TCHH: variants seen among roughly 807,000 people sequenced by gnomAD.
TCHH encodes the protein trichohyalin.
In TCHH, 6 loss-of-function variants were observed where a neutral mutation model predicts 6.3. The ratio of observed to expected loss-of-function variants is 0.95; its 90% CI spans 0.52 to 1.88. TCHH has a LOEUF of 1.88. TCHH is among the 40% of genes most tolerant of loss of function. The pLI is 0.01. For synonymous variants in TCHH, 1,087 were observed against 963.6 expected, an observed-to-expected ratio of 1.13 and a Z score of -2.37; for missense variants, 2,920 against 2,449.1, an observed-to-expected ratio of 1.19 and a Z score of -4.06.
chr1:152,109,315 C>T lies in TCHH; in HGVS notation c.3902G>A (p.Arg1301Gln), dbSNP rs768418842. 3.7e-6 allele frequency: 6 copies of T among 1,614,196 alleles called. No homozygotes were observed. The highest frequency in any genetic ancestry group is 2.5e-6 in the Non-Finnish European group (3 of 1,180,046). The change falls in exon 3 of 3, where the codon CGA becomes CAA. Residue 1301 changes from arginine to glutamine, a missense_variant. By Grantham distance (43) the Arg-to-Gln change is conservative. Transcript: ENST00000614923. ...CCTTTTGGCTTCCTTTTGCTCTTCTCGCTCCAGCTGTTCTTCCTCTGGGAA... is the reference window on the plus strand; with the variant it reads ...CCTTTTGGCTTCCTTTTGCTCTTCTTGCTCCAGCTGTTCTTCCTCTGGGAA... ...RHFPEEEQLE[R>Q]EEQKEAKRRD...
Position 152,111,087 on chromosome 1 carries a change from G to A in TCHH, c.2130C>T (p.Ser710=). Reference sequence around the variant, plus strand: ...CTTTGCTTTGCCGTGCGTCGGCCTCGCTTTCTAGCTGCCACTGCCACTTCG... The same window carrying A: ...CTTTGCTTTGCCGTGCGTCGGCCTCACTTTCTAGCTGCCACTGCCACTTCG... The part of the protein sequence containing the change: ...RIPKWQWQLE[S]EADARQSKVY... The change falls in exon 3 of 3, where the codon AGC becomes AGT. Residue 710 remains serine (S), a synonymous_variant. Transcript: ENST00000614923. The A allele has an allele frequency of 6.2e-7, 1 of 1,613,498 alleles. No individual in the cohort carries two copies. Among genetic ancestry groups the A allele is most frequent in the Non-Finnish European group, 8.5e-7 (1 of 1,180,014 alleles).
At chr1:152,114,548 G>A (rs974178668) in intron 1 of TCHH, among the ~76,000 whole-genome samples, 1 of 152,170 alleles carries the variant, frequency 6.6e-6, no homozygotes, top group African/African-American at 2.4e-5. Flanking sequence ...AGTGGATAGA[G>A]GCCATGTCAG....
Position 152,110,710 on chromosome 1 carries a change from T to C in TCHH, c.2507A>G (p.Glu836Gly). Residue 836 changes from glutamate to glycine, a missense_variant, in exon 3 of 3, where the codon GAA (glutamate) becomes GGA (glycine). Physicochemically the swap from Glu to Gly is moderately conservative, Grantham distance 98. Transcript: ENST00000614923. ...EREKELQFLEEEEQLQRRERA... is the reference protein window; with the variant it reads ...EREKELQFLEGEEQLQRRERA... ...CTCCCGCCGCTGGAGCTGCTCCTCT[T>C]CCTCCAGGAACTGCAGCTCTTTCTC... 6.2e-7 allele frequency: 1 copy of C among 1,612,052 alleles called. No homozygotes were observed. The highest frequency in any genetic ancestry group is 8.5e-7 in the Non-Finnish European group (1 of 1,179,978).
intron 1 of TCHH, 123 bp from the exon 2 acceptor site, chr1:152,114,234 C>T: frequency 1.5e-6 from 1 of 650,074 alleles, no homozygotes; most frequent in Non-Finnish European, 2.5e-6. Flanking sequence ...TCAACCTGGA[C>T]TTTCAGAGCA....
At position 152,110,142 on chromosome 1, in the gene TCHH, C is replaced by T; in HGVS notation, c.3075G>A (p.Glu1025=). ...GCAGCTGCTCTTCTTCCTGCTGCAG[C>T]TCGTCTTTTTTGCGGTACTGCCTCT... The part of the protein sequence containing the change: ...EWERQYRKKD[E]LQQEEEQLLR... Residue 1025 remains glutamate (E), a synonymous_variant, in exon 3 of 3, where the codon GAG becomes GAA. Coordinates refer to ENST00000614923, the MANE Select transcript of TCHH (RefSeq NM_007113.4). 6.2e-7 allele frequency: 1 copy of T among 1,609,370 alleles called. No homozygotes were observed. Among genetic ancestry groups the T allele is most frequent in the Non-Finnish European group, 8.5e-7 (1 of 1,178,190 alleles).
Position 152,111,065 on chromosome 1 carries a change from T to C in TCHH, c.2152A>G (p.Lys718Glu). The change falls in exon 3 of 3, where the codon AAA becomes GAA. Residue 718 changes from lysine (K) to glutamate (E), a missense_variant. Lys to Glu is a moderately conservative substitution (Grantham distance 56). Coordinates refer to ENST00000614923, the MANE Select transcript of TCHH (RefSeq NM_007113.4). ...TGCTTGCGGGGCCTCGAGTAGACTT[T>C]GCTTTGCCGTGCGTCGGCCTCGCTT... is the stretch of plus-strand genomic sequence containing the variant. ...LESEADARQS[K>E]VYSRPRKQEG... is the part of the protein sequence containing the mutation. The C allele has an allele frequency of 6.2e-7, 1 of 1,613,524 alleles. No homozygotes were observed.
chr1:152,109,114 C>T lies in TCHH; in HGVS notation c.4103G>A (p.Arg1368His), dbSNP rs2496250. The stretch of plus-strand genomic sequence containing the variant: ...GAATTTTCTCCCTTGTTCCTGATGG[C>T]GCAGTTCCTCTTCGCGGAATTTTCT... Reference protein sequence around the residue: ...RDRKFREEELRHQEQGRKFLE... With the variant: ...RDRKFREEELHHQEQGRKFLE... The change falls in exon 3 of 3, where the codon CGC becomes CAC. Residue 1368 changes from arginine (R) to histidine (H), a missense_variant. Transcript: ENST00000614923. The T allele has an allele frequency of 5.0e-6, 8 of 1,610,354 alleles. No homozygotes were observed. Among genetic ancestry groups the T allele is most frequent in the Non-Finnish European group, 6.8e-6 (8 of 1,179,050 alleles).
Position 152,107,195 on chromosome 1 carries a change from G to C in TCHH, c.*190C>G. The C allele has an allele frequency of 1.9e-6, 1 of 535,558 alleles. No homozygotes were observed. Among genetic ancestry groups the C allele is most frequent in the Non-Finnish European group, 3.2e-6 (1 of 316,996 alleles). 33.2% of individuals were successfully genotyped at this position (535,558 alleles called of 1,614,324 possible). ...GACATCTTGCAGTAAAGAACTACTT[G>C]AGGAAGAATAAAAAGCAGAAGTACA... On this transcript the variant is annotated 3_prime_UTR_variant, in exon 3 of 3. Coordinates refer to ENST00000614923, the MANE Select transcript of TCHH (RefSeq NM_007113.4).
rs749468061 is a variant in TCHH, at chr1:152,110,554, G to A, written c.2663C>T (p.Thr888Met). 4.9e-5 allele frequency: 79 copies of A among 1,613,986 alleles called. No homozygotes were observed. The highest frequency in any genetic ancestry group is 1.6e-4 in the Middle Eastern group (1 of 6,084). Residue 888 changes from threonine (T) to methionine (M), a missense_variant, in exon 3 of 3, where the codon ACG becomes ATG. Coordinates refer to ENST00000614923, the MANE Select transcript of TCHH (RefSeq NM_007113.4). ...LEEERKRRRHTLYAKPALQEQ... is the reference protein window; with the variant it reads ...LEEERKRRRHMLYAKPALQEQ... The stretch of plus-strand genomic sequence containing the variant: ...TTGTAGGGCTGGCTTGGCGTACAGC[G>A]TGTGGCGGCGTCTCTTCCTTTCTTC...
chr1:152,107,546 C>A lies in TCHH; in HGVS notation c.5671G>T (p.Glu1891Ter). The A allele has an allele frequency of 6.2e-7, 1 of 1,614,210 alleles. No homozygotes were observed. The highest frequency in any genetic ancestry group is 8.5e-7 in the Non-Finnish European group (1 of 1,180,032). Residue 1891 changes from glutamate to a stop codon, truncating the protein, a stop_gained, in exon 3 of 3, where the codon GAG (glutamate) becomes TAG (stop). Transcript: ENST00000614923. LOFTEE classifies it high-confidence loss of function. ...CCGACTTGGCGGTGCCTCTGTTCCT[C>A]CTTCTGCTGGCGGCGGATGTGTTCT... ...REEHIRRQQK[E>*]EQRHRQVGEI...
intron 2 of TCHH, 113 bp from the exon 3 acceptor site, chr1:152,113,191 A>T: frequency 9.4e-7 from 1 of 1,062,084 alleles, no homozygotes; most frequent in Non-Finnish European, 1.3e-6. Context: ...CATTCAGAGC[A>T]ATTAGAAAAA....
rs1658415739 is a variant in TCHH, at chr1:152,112,575, C to G, written c.642G>C (p.Glu214Asp). 1.9e-6 allele frequency: 3 copies of G among 1,613,642 alleles called. No individual in the cohort carries two copies. Among genetic ancestry groups the G allele is most frequent in the Non-Finnish European group, 1.7e-6 (2 of 1,180,020 alleles). The change falls in exon 3 of 3, where the codon GAG becomes GAC. Residue 214 changes from glutamate (E) to aspartate (D), a missense_variant. Coordinates refer to ENST00000614923, the MANE Select transcript of TCHH (RefSeq NM_007113.4). ...GGCCCTTCCTCCTCAGCTCCAGCAG[C>G]TCCCGCCTTCGCAGTTGCTCTTCGT... ...FPDEEQLRRR[E>D]LLELRRKGRE...
chr1:152,111,461 G>T lies in TCHH; in HGVS notation c.1756C>A (p.Arg586Ser). Residue 586 changes from arginine to serine, a missense_variant, in exon 3 of 3, where the codon CGC becomes AGC. Arg to Ser is a moderately radical substitution (Grantham distance 110). Transcript: ENST00000614923. ...TGCTCGCGCTTCAGCCGCTGCTGGCGCCTCTCCTCCTCGCGCTTCAGCAGC... is the reference window on the plus strand; with the variant it reads ...TGCTCGCGCTTCAGCCGCTGCTGGCTCCTCTCCTCCTCGCGCTTCAGCAGC... ...DQLLKREEER[R>S]QQRLKREQEE... The T allele has an allele frequency of 6.3e-7, 1 of 1,596,632 alleles. No homozygotes were observed. Among genetic ancestry groups the T allele is most frequent in the Non-Finnish European group, 8.5e-7 (1 of 1,176,002 alleles).
chr1:152,108,112 C>A lies in TCHH; in HGVS notation c.5105G>T (p.Arg1702Leu), dbSNP rs200776240. Residue 1702 changes from arginine (R) to leucine (L), a missense_variant, in exon 3 of 3, where the codon CGT (arginine) becomes CTT (leucine). Transcript: ENST00000614923. ...GAGGAATTTTCTCTCTCGTTCCTGA[C>A]GGCGGAGCTGCTGTTCCTCTTCGCG... is the stretch of plus-strand genomic sequence containing the variant. ...KFREEEQQLRRQERERKFLQE... is the reference protein window; with the variant it reads ...KFREEEQQLRLQERERKFLQE... The A allele has an allele frequency of 2.5e-6, 4 of 1,607,180 alleles. No individual in the cohort carries two copies. In the African/African-American group the frequency reaches 5.5e-5, roughly 22 times the overall value.
In TCHH at chr1:152,110,943, C is replaced by T; in HGVS notation, c.2274G>A (p.Gln758=). The change falls in exon 3 of 3, where the codon CAG becomes CAA. Residue 758 remains glutamine, a synonymous_variant. Transcript: ENST00000614923. ...WQEEERAHRQ[Q]QEEEQRRDFT... is the part of the protein sequence containing the mutation. ...AGTCCCGGCGCTGCTCCTCTTCCTG[C>T]TGCTGCCGGTGAGCCCGTTCCTCCT... The T allele has an allele frequency of 2.5e-6, 4 of 1,613,264 alleles. No homozygotes were observed. Among genetic ancestry groups the T allele is most frequent in the Non-Finnish European group, 3.4e-6 (4 of 1,179,960 alleles).
chr1:152,109,162 GGCTGTTCCTCCCTTTCCTGGAGCA>G lies in TCHH; in HGVS notation c.4031_4054del (p.Leu1344_Gln1351del), dbSNP rs774902814. The stretch of plus-strand genomic sequence containing the variant: ...TCTGTCACGCTCTTGGCGGCGCAGC[GGCTGTTCCTCCCTTTCCTGGAGCA>G]GCTGTTCCTCCTCGCGGAATTTTCT... On this transcript the variant is annotated inframe_deletion, in exon 3 of 3. Transcript: ENST00000614923. 2.4e-5 allele frequency: 39 copies of G among 1,608,972 alleles called. No individual in the cohort carries two copies. The highest frequency in any genetic ancestry group is 6.8e-5 in the African/African-American group (5 of 73,538).
intron 2 of TCHH, among the ~76,000 whole-genome samples, chr1:152,113,713 C>T (rs1421500309): frequency 1.3e-5 from 2 of 152,152 alleles, no homozygotes; most frequent in African/African-American, 4.8e-5. Context: ...GTGGTAATGT[C>T]CCATGAAGAG....
chr1:152,109,076 G>C lies in TCHH; in HGVS notation c.4141C>G (p.Gln1381Glu), dbSNP rs1438661030. 6.2e-7 allele frequency: 1 copy of C among 1,612,934 alleles called. No individual in the cohort carries two copies. Among genetic ancestry groups the C allele is most frequent in the Admixed American group, 1.7e-5 (1 of 59,916 alleles). Residue 1381 changes from glutamine (Q) to glutamate (E), a missense_variant, in exon 3 of 3, where the codon CAG becomes GAG. Gln to Glu is a conservative substitution (Grantham distance 29, BLOSUM62 2). Coordinates refer to ENST00000614923, the MANE Select transcript of TCHH (RefSeq NM_007113.4). ...TCCCGTTCCTGGCGGCGCAGCCGCT[G>C]TTCCTCCTCGAGGAATTTTCTCCCT... ...EQGRKFLEEE[Q>E]RLRRQERERK...
rs1260408043 is a variant in TCHH, at chr1:152,107,552, G to C, written c.5665C>G (p.Gln1889Glu). 1.9e-6 allele frequency: 3 copies of C among 1,613,968 alleles called. No homozygotes were observed. Among genetic ancestry groups the C allele is most frequent in the East Asian group, 2.2e-5 (1 of 44,898 alleles). ...KLREEHIRRQ[Q>E]KEEQRHRQVG... ...TGGCGGTGCCTCTGTTCCTCCTTCTGCTGGCGGCGGATGTGTTCTTCCCGT... is the reference window on the plus strand; with the variant it reads ...TGGCGGTGCCTCTGTTCCTCCTTCTCCTGGCGGCGGATGTGTTCTTCCCGT... Residue 1889 changes from glutamine (Q) to glutamate (E), a missense_variant, in exon 3 of 3, where the codon CAG becomes GAG. Physicochemically the swap from Gln to Glu is conservative, Grantham distance 29. Transcript: ENST00000614923.
Sources: gnomAD v4.1 joint callset for allele counts (sites outside exome capture counted in the v4.1 genomes callset) on GRCh38, gnomAD v4.1.1 for gene constraint, MANE v1.5 for transcripts, NCBI Gene and HGNC (gene_info 2026-07-23, HGNC 2026-07-21) for gene names.